LUZP2: variants seen among roughly 807,000 people sequenced by gnomAD.
LUZP2 encodes the protein leucine zipper protein 2.
LUZP2 carries 52 observed loss-of-function variants against 51.6 expected under a neutral mutation model. The ratio of observed to expected loss-of-function variants is 1.01; its 90% CI spans 0.81 to 1.27. The LOEUF (loss-of-function observed/expected upper bound fraction) is 1.27. Ranked by LOEUF, LUZP2 falls within the 50% of genes most tolerant of loss-of-function variation. The pLI is 0.00. For synonymous variants in LUZP2, 154 were observed against 137.3 expected (o/e 1.12, Z -0.85); for missense variants, 436 against 395.4 (o/e 1.10, Z -0.87).
At chr11:24,988,614 G>T (rs1856249993) in intron 9 of LUZP2, among the ~76,000 whole-genome samples, 2 of 151,934 alleles carry the variant, frequency 1.3e-5, no homozygotes, top group South Asian at 4.1e-4. Flanking sequence ...ATGTAATGTG[G>T]TCCTTTATGA....
rs1177658654 is a variant in LUZP2, at chr11:24,714,679, G to A, written c.63-14490G>A. On this transcript the variant is annotated intron_variant, in intron 1 of 11. Transcript: ENST00000336930. ...GAGTTTATCTAAAATATTTGCAGCA[G>A]AATTTTGACATGCTCATGAATCCTC... Among the ~76,000 whole-genome samples the A allele has an allele frequency of 5.3e-5, 8 of 152,230 alleles. No homozygotes were observed. The East Asian group carries it at 1.2e-3, about 22-fold the overall frequency.
intron 5 of LUZP2, among the ~76,000 whole-genome samples, chr11:24,833,057 G>A (rs1850746948): frequency 6.6e-6 from 1 of 152,128 alleles, no homozygotes; most frequent in African/African-American, 2.4e-5. Context: ...AGTTGATGAA[G>A]GGGTTTCCTG....
At chr11:24,951,291 T>G (rs998459509) in intron 7 of LUZP2, among the ~76,000 whole-genome samples, 2 of 151,570 alleles carry the variant, frequency 1.3e-5, no homozygotes, top group African/African-American at 4.8e-5. Flanking sequence ...AAAAATATTA[T>G]TTATTACTGC....
intron 7 of LUZP2, among the ~76,000 whole-genome samples, chr11:24,953,163 C>T (rs1353139856): frequency 6.6e-6 from 1 of 151,898 alleles, no homozygotes; most frequent in Non-Finnish European, 1.5e-5. Context: ...TCACTATCTG[C>T]TGCTTTCAAC....
chr11:24,824,581 A>T (rs545396352), intron 5 of LUZP2, among the ~76,000 whole-genome samples: 1 of 151,800 alleles, frequency 6.6e-6, no homozygotes, highest in Non-Finnish European at 1.5e-5. Context: ...CATTATGTGA[A>T]CTTGTTCACA....
At chr11:24,854,281 G>C (rs956583671) in intron 5 of LUZP2, among the ~76,000 whole-genome samples, 5 of 152,212 alleles carry the variant, frequency 3.3e-5, no homozygotes, top group Admixed American at 6.5e-5. Flanking sequence ...ATAAGTACCT[G>C]ACTGAGGCTG....
At chr11:24,807,024 C>CAAAAAAAAAAAAAAAA (rs34565471) in intron 5 of LUZP2, among the ~76,000 whole-genome samples, 2 of 110,292 alleles carry the variant, frequency 1.8e-5, no homozygotes, top group Non-Finnish European at 3.5e-5. Context: ...GAAAATCCAC[C>CAAAAAAAAAAAAAAAA]AAAAAAAAAA....
At chr11:24,599,724 C>T (rs1853557309) in intron 1 of LUZP2, among the ~76,000 whole-genome samples, 1 of 152,114 alleles carries the variant, frequency 6.6e-6, no homozygotes, top group Non-Finnish European at 1.5e-5. Context: ...AATACAGAAA[C>T]ATCTGAGAGT....
intron 3 of LUZP2, among the ~76,000 whole-genome samples, chr11:24,734,830 A>C (rs1376300147): frequency 1.3e-5 from 2 of 151,902 alleles, no homozygotes; most frequent in African/African-American, 4.8e-5. Flanking sequence ...GAAAGAGTGC[A>C]GTGTGCTTGC....
At chr11:24,986,794 A>G (rs1187506962) in intron 9 of LUZP2, among the ~76,000 whole-genome samples, 1 of 151,686 alleles carries the variant, frequency 6.6e-6, no homozygotes, top group Non-Finnish European at 1.5e-5. Context: ...TGCTTTATAG[A>G]ATTTGGAAAA....
chr11:25,025,369 T>C (rs1857460575), intron 9 of LUZP2, among the ~76,000 whole-genome samples: 1 of 152,068 alleles, frequency 6.6e-6, no homozygotes, highest in Non-Finnish European at 1.5e-5. Context: ...ACCTACAGAA[T>C]GGGAGAAAAT....
chr11:25,000,836 A>G (rs1856663355), intron 9 of LUZP2, among the ~76,000 whole-genome samples: 1 of 152,178 alleles, frequency 6.6e-6, no homozygotes, highest in Non-Finnish European at 1.5e-5. Flanking sequence ...CTGCTGCTAA[A>G]GAGTCTATTT....
chr11:25,071,295 A>C (rs1333070405), intron 10 of LUZP2, among the ~76,000 whole-genome samples: 2 of 152,030 alleles, frequency 1.3e-5, no homozygotes, highest in Non-Finnish European at 2.9e-5. Flanking sequence ...ACATGATGCT[A>C]AATGACGAGT....
intron 7 of LUZP2, among the ~76,000 whole-genome samples, chr11:24,923,229 G>A (rs1330177804): frequency 6.6e-6 from 1 of 151,872 alleles, no homozygotes; most frequent in Non-Finnish European, 1.5e-5. Context: ...TGTATTTTAA[G>A]GTGATTTACA....
intron 1 of LUZP2, among the ~76,000 whole-genome samples, chr11:24,506,038 G>A (rs992430270): frequency 3.9e-5 from 6 of 152,026 alleles, no homozygotes; most frequent in Non-Finnish European, 8.8e-5. Context: ...CAAGGACAGC[G>A]TAACATTAAC....
At chr11:24,661,762 A>T (rs4287338) in intron 1 of LUZP2, among the ~76,000 whole-genome samples, 1 of 152,052 alleles carries the variant, frequency 6.6e-6, no homozygotes, top group African/African-American at 2.4e-5. Flanking sequence ...TGAAATAGTA[A>T]CTATTCGTGA....
chr11:24,843,920 G>A (rs1851116332), intron 5 of LUZP2, among the ~76,000 whole-genome samples: 2 of 152,128 alleles, frequency 1.3e-5, no homozygotes, highest in African/African-American at 4.8e-5. Flanking sequence ...ACGATTGTGA[G>A]GCCTCCCCAG....
intron 1 of LUZP2, among the ~76,000 whole-genome samples, chr11:24,517,959 A>C (rs2133792894): frequency 6.6e-6 from 1 of 152,280 alleles, no homozygotes; most frequent in African/African-American, 2.4e-5. Context: ...TTAAAATGAC[A>C]TATTCCAGGG....
chr11:24,804,776 T>A (rs1264872050), intron 5 of LUZP2, among the ~76,000 whole-genome samples: 2 of 152,134 alleles, frequency 1.3e-5, no homozygotes, highest in African/African-American at 2.4e-5. Flanking sequence ...TGCTTTCTCT[T>A]CAGATGCCAA....
Sources: allele counts gnomAD v4.1 joint callset (sites outside exome capture counted in the v4.1 genomes callset), GRCh38; gene constraint gnomAD v4.1.1; transcripts MANE v1.5; gene names NCBI Gene and HGNC (gene_info 2026-07-23, HGNC 2026-07-21).